PPP1R14C: variants seen among roughly 807,000 people sequenced by gnomAD.
PPP1R14C encodes the protein protein phosphatase 1 regulatory subunit 14C.
In PPP1R14C, 16 loss-of-function variants were observed where a neutral mutation model predicts 20.4. That is an observed-to-expected ratio of 0.78 (90% CI 0.53 to 1.19). The LOEUF (loss-of-function observed/expected upper bound fraction) is 1.19, where lower values mean the gene tolerates loss of function less well. Among genes scored for constraint, PPP1R14C ranks in the 50% most tolerant of loss-of-function variants. The probability of loss-of-function intolerance (pLI) is 0.00; values close to 1 mark genes in which losing one functional copy is unlikely to be tolerated. For missense variants in PPP1R14C, 211 were observed against 220.1 expected (o/e 0.96, Z 0.26); for synonymous variants, 91 against 91.0 (o/e 1.00, Z 0.00).
intron 1 of PPP1R14C, among the ~76,000 whole-genome samples, chr6:150,184,959 T>TA (rs564374018): frequency 9.6e-4 from 146 of 152,344 alleles, no homozygotes; most frequent in African/African-American, 2.7e-3. Context: ...TGGGATTGAC[T>TA]AATTCTCCCT....
At chr6:150,202,082 G>A (rs1209586800) in intron 1 of PPP1R14C, among the ~76,000 whole-genome samples, 3 of 152,162 alleles carry the variant, frequency 2.0e-5, no homozygotes, top group Non-Finnish European at 2.9e-5. Flanking sequence ...TGCCCCGGGG[G>A]CCTGCCCTCT....
intron 1 of PPP1R14C, among the ~76,000 whole-genome samples, chr6:150,203,513 T>C (rs1236784851): frequency 3.9e-5 from 6 of 152,214 alleles, no homozygotes; most frequent in Non-Finnish European, 8.8e-5. Context: ...TATCATCTTC[T>C]CAGGCTTCTG....
At chr6:150,193,349 C>T (rs939081263) in intron 1 of PPP1R14C, among the ~76,000 whole-genome samples, 2 of 151,816 alleles carry the variant, frequency 1.3e-5, no homozygotes, top group South Asian at 2.1e-4. Context: ...TTGCCTATGT[C>T]AGTGGTCCCC....
Position 150,167,995 on chromosome 6 carries a change from TCTC to T in PPP1R14C, c.306+24499_306+24501del, listed in dbSNP as rs1562259819. The stretch of plus-strand genomic sequence containing the variant: ...CTCTCCTTCTCTCCTCCCCTCTTCC[TCTC>T]CCCCTTGCTTTCCTCCCACCCTTTC... On this transcript the variant is annotated intron_variant, in intron 1 of 3. Transcript: ENST00000361131. Among the ~76,000 whole-genome samples the T allele has an allele frequency of 3.5e-3, 12 of 3,382 alleles. 3 individuals carry two copies. Among genetic ancestry groups the T allele is most frequent in the African/African-American group, 0.02 (12 of 592 alleles). 2.2% of individuals were successfully genotyped at this position (3,382 alleles called of 152,430 possible). A position where few individuals can be genotyped will look rare whatever the true frequency, so the allele number is the denominator to read the frequency against.
At chr6:150,160,379 T>C (rs1034098316) in intron 1 of PPP1R14C, among the ~76,000 whole-genome samples, 18 of 150,464 alleles carry the variant, frequency 1.2e-4, no homozygotes, top group Non-Finnish European at 2.1e-4. Context: ...ATTCTCCTGC[T>C]TCAGCCTCCC....
Position 150,159,649 on chromosome 6 carries a change from TGTTTTAGATG to T in PPP1R14C, c.306+16161_306+16170del, listed in dbSNP as rs751023952. ...TTTTTTTTTAAACAAATAAGCTTTA[TGTTTTAGATG>T]GTTTTAGATTTACAGAAAAATTGCG... is the stretch of plus-strand genomic sequence containing the variant. On this transcript the variant is annotated intron_variant, in intron 1 of 3. Transcript: ENST00000361131. Among the ~76,000 whole-genome samples the T allele has an allele frequency of 1.6e-3, 244 of 151,988 alleles. 1 individual carries two copies. The highest frequency in any genetic ancestry group is 2.2e-3 in the Non-Finnish European group (147 of 67,964).
intron 1 of PPP1R14C, among the ~76,000 whole-genome samples, chr6:150,209,369 A>T (rs539587491): frequency 1.2e-4 from 19 of 152,336 alleles, no homozygotes; most frequent in Admixed American, 5.9e-4. Context: ...GTGACATCAG[A>T]CAGGGCTGAC....
chr6:150,221,552 G>A (rs1436100154), intron 3 of PPP1R14C, among the ~76,000 whole-genome samples: 2 of 152,220 alleles, frequency 1.3e-5, no homozygotes, highest in Non-Finnish European at 2.9e-5. Context: ...ATGTGAGGAA[G>A]ATGTCTTTGC....
At chr6:150,243,206 C>G (rs186379711) in intron 3 of PPP1R14C, among the ~76,000 whole-genome samples, 1 of 142,618 alleles carries the variant, frequency 7.0e-6, no homozygotes, top group African/African-American at 2.6e-5. Flanking sequence ...GATGGAGTCT[C>G]ACTCTGTCAC....
chr6:150,215,730 T>C (rs957027268), intron 2 of PPP1R14C, among the ~76,000 whole-genome samples: 1 of 152,196 alleles, frequency 6.6e-6, no homozygotes, highest in Non-Finnish European at 1.5e-5. Flanking sequence ...GAAAATGTAA[T>C]GACATAACAG....
intron 3 of PPP1R14C, among the ~76,000 whole-genome samples, chr6:150,248,483 G>A (rs188983627): frequency 7.2e-5 from 11 of 152,256 alleles, no homozygotes; most frequent in African/African-American, 2.2e-4. Context: ...AATGCCTCAG[G>A]GGCCAAGTAG....
At chr6:150,237,324 C>A (rs1365664670) in intron 3 of PPP1R14C, among the ~76,000 whole-genome samples, 1 of 152,146 alleles carries the variant, frequency 6.6e-6, no homozygotes, top group Admixed American at 6.5e-5. Context: ...CTGCTTCAGC[C>A]TCCGGAGTAG....
At chr6:150,219,932 T>C (rs1479328691) in intron 3 of PPP1R14C, among the ~76,000 whole-genome samples, 1 of 152,146 alleles carries the variant, frequency 6.6e-6, no homozygotes, top group Non-Finnish European at 1.5e-5. Context: ...GTAGGCTCGC[T>C]GAAAAACCTG....
chr6:150,213,863 A>G (rs141132395), intron 1 of PPP1R14C, among the ~76,000 whole-genome samples: 42 of 152,318 alleles, frequency 2.8e-4, no homozygotes, highest in African/African-American at 9.1e-4. Flanking sequence ...GGCTGCAACA[A>G]TGAAAGAGGT....
rs1777134417 is a variant in PPP1R14C, at chr6:150,143,165, C to A, written c.-28C>A. 1.6e-6 allele frequency: 2 copies of A among 1,289,028 alleles called. No individual in the cohort carries two copies. Among genetic ancestry groups the A allele is most frequent in the Non-Finnish European group, 9.7e-7 (1 of 1,026,426 alleles). The allele number at this position is 1,289,028 out of a possible 1,614,324, so 79.8% of individuals were successfully genotyped here. On this transcript the variant is annotated 5_prime_UTR_variant, in exon 1 of 4. Transcript: ENST00000361131. The surrounding 1 kb of genome is among the most constrained non-coding windows in gnomAD (Gnocchi z 5.6). ...GCGCTCCGCCCGCCCCTCCTCCGGG[C>A]CGCACTGAGGCTCGGGCGCGCGGGG...
intron 3 of PPP1R14C, 72 bp downstream of exon 3, chr6:150,216,928 G>A: frequency 7.9e-7 from 1 of 1,262,058 alleles, no homozygotes; most frequent in Admixed American, 2.0e-5. Flanking sequence ...TATTTTTAAA[G>A]CAAACCACAA....
chr6:150,244,571 T>C (rs1582937078), intron 3 of PPP1R14C, among the ~76,000 whole-genome samples: 1 of 152,258 alleles, frequency 6.6e-6, no homozygotes, highest in East Asian at 1.9e-4. Flanking sequence ...ATAGAAAGAG[T>C]CCCTATCGGC....
At chr6:150,234,876 A>G (rs78563882) in intron 3 of PPP1R14C, among the ~76,000 whole-genome samples, 12 of 143,720 alleles carry the variant, frequency 8.3e-5, no homozygotes, top group African/African-American at 2.8e-4. Flanking sequence ...AAAAAAAAAA[A>G]GGAATCAAAC....
At chr6:150,168,487 A>C (rs930720982) in intron 1 of PPP1R14C, among the ~76,000 whole-genome samples, 36 of 152,024 alleles carry the variant, frequency 2.4e-4, no homozygotes, top group East Asian at 1.5e-3. Flanking sequence ...GAGCCGAGAT[A>C]GCGCCACTAC....
Sources: gnomAD v4.1 joint callset for allele counts (sites outside exome capture counted in the v4.1 genomes callset) on GRCh38, gnomAD v4.1.1 for gene constraint, Gnocchi (gnomAD v3.1) non-coding constraint, MANE v1.5 for transcripts, NCBI Gene and HGNC (gene_info 2026-07-23, HGNC 2026-07-21) for gene names.